The following CUL2 variants were observed in gnomAD, a reference collection of about 807,000 sequenced individuals.
CUL2 encodes the protein cullin 2.
In CUL2, 22 loss-of-function variants were observed where a neutral mutation model predicts 110.2. That is an observed-to-expected ratio of 0.20 (90% CI 0.14 to 0.28). The LOEUF is 0.28. Ranked by LOEUF, CUL2 falls within the 10% of genes least tolerant of loss-of-function variation. The probability of loss-of-function intolerance (pLI) is 1.00; values close to 1 mark genes in which losing one functional copy is unlikely to be tolerated. For synonymous variants in CUL2, 279 were observed against 293.2 expected (o/e 0.95, Z 0.49); for missense variants, 631 against 905.5 (o/e 0.70, Z 3.89).
intron 6 of CUL2, among the ~76,000 whole-genome samples, chr10:35,045,718 A>G (rs2085922040): frequency 6.6e-6 from 1 of 152,086 alleles, no homozygotes; most frequent in African/African-American, 2.4e-5. Flanking sequence ...CCCTGTCTCA[A>G]AAATTAAAAA....
intron 1 of CUL2, among the ~76,000 whole-genome samples, chr10:35,087,601 C>T (rs1589052470): frequency 6.6e-6 from 1 of 152,178 alleles, no homozygotes; most frequent in South Asian, 2.1e-4. Flanking sequence ...CTTCCCCCAA[C>T]CTCTTCTTCA....
intron 5 of CUL2, among the ~76,000 whole-genome samples, chr10:35,050,285 C>T (rs2086068268): frequency 6.7e-6 from 1 of 149,990 alleles, no homozygotes; most frequent in East Asian, 2.0e-4. Context: ...CGTGCCACTG[C>T]ACTCCAGCCT....
chr10:35,026,725 T>C (rs539244307), intron 16 of CUL2, among the ~76,000 whole-genome samples: 1 of 152,342 alleles, frequency 6.6e-6, no homozygotes, highest in African/African-American at 2.4e-5. Flanking sequence ...CATATGGCAC[T>C]ACAAAGACCA....
At chr10:35,046,710 G>C (rs994561971) in intron 6 of CUL2, among the ~76,000 whole-genome samples, 5 of 152,100 alleles carry the variant, frequency 3.3e-5, no homozygotes, top group African/African-American at 4.8e-5. Flanking sequence ...TGGCCAACAT[G>C]GTGAAATCCA....
At chr10:35,047,646 G>A (rs940658102) in intron 6 of CUL2, among the ~76,000 whole-genome samples, 4 of 150,884 alleles carry the variant, frequency 2.7e-5, no homozygotes, top group South Asian at 2.1e-4. Flanking sequence ...GGCCGGGTGC[G>A]GTGGCTCACT....
chr10:35,107,098 C>T (rs1448514164), intron 1 of CUL2, among the ~76,000 whole-genome samples: 1 of 152,084 alleles, frequency 6.6e-6, no homozygotes, highest in African/African-American at 2.4e-5. Flanking sequence ...CCTCAGCCTC[C>T]CGAGTAGCTG....
intron 2 of CUL2, chr10:35,097,871 A>T (rs1389464645): frequency 6.6e-6 from 1 of 152,136 alleles, no homozygotes; most frequent in Non-Finnish European, 1.5e-5. Context: ...AGACATGAGA[A>T]TCACTTGAGC....
chr10:35,032,034 C>T (rs781469066), intron 12 of CUL2, among the ~76,000 whole-genome samples: 10 of 152,094 alleles, frequency 6.6e-5, no homozygotes, highest in Non-Finnish European at 1.2e-4. Flanking sequence ...TTTAAAAGAA[C>T]ACCTAGGTGA....
chr10:35,056,543 A>C (rs986027258), intron 4 of CUL2, among the ~76,000 whole-genome samples: 1 of 152,122 alleles, frequency 6.6e-6, no homozygotes, highest in Non-Finnish European at 1.5e-5. Flanking sequence ...GAAACTCAGG[A>C]GAGGTCTTCC....
At chr10:35,080,962 C>T (rs537530782) in intron 1 of CUL2, among the ~76,000 whole-genome samples, 190 of 152,106 alleles carry the variant, frequency 1.2e-3, no homozygotes, top group African/African-American at 4.5e-3. Flanking sequence ...ACCTGTAATC[C>T]TAGTACTTTG....
chr10:35,097,132 T>A (rs549568992), intron 2 of CUL2, among the ~76,000 whole-genome samples: 1 of 152,148 alleles, frequency 6.6e-6, no homozygotes, highest in South Asian at 2.1e-4. Context: ...TCTTCAAAGG[T>A]TTACCTTATC....
intron 16 of CUL2, among the ~76,000 whole-genome samples, chr10:35,027,406 G>A (rs202182539): frequency 6.6e-6 from 1 of 151,920 alleles, no homozygotes; most frequent in African/African-American, 2.4e-5. Context: ...GGCCTCCCAA[G>A]GTGCTGGGAT....
chr10:35,063,629 T>C (rs931756832), intron 2 of CUL2, among the ~76,000 whole-genome samples: 1 of 152,108 alleles, frequency 6.6e-6, no homozygotes. Flanking sequence ...ACTAAGTACC[T>C]TGCTAAGTCT....
intron 2 of CUL2, among the ~76,000 whole-genome samples, chr10:35,070,184 A>T (rs774983355): frequency 6.6e-6 from 1 of 152,220 alleles, no homozygotes; most frequent in Non-Finnish European, 1.5e-5. Context: ...ATCAAACAAC[A>T]TAAAAAATAT....
At chr10:35,026,068 A>C (rs1338588927) in intron 16 of CUL2, among the ~76,000 whole-genome samples, 1 of 152,256 alleles carries the variant, frequency 6.6e-6, no homozygotes, top group Non-Finnish European at 1.5e-5. Context: ...AGCAAAAGTT[A>C]ATAGCTCCAG....
chr10:35,114,579 C>T lies in CUL2; in HGVS notation c.-51+12026G>A, dbSNP rs187364550. Among the ~76,000 whole-genome samples the T allele has an allele frequency of 6.5e-3, 981 of 151,812 alleles. 11 individuals are homozygous for T. The highest frequency in any genetic ancestry group is 0.023 in the African/African-American group (936 of 41,418). ...TGTATTTTTAGTAGAGACAGGGTTT[C>T]GCTATGTTGGCCAGGCTGGTCTCGA... On this transcript the variant is annotated intron_variant, in intron 1 of 5. Transcript: ENST00000685421.
rs1179793661 is a variant in CUL2 at position 35,071,353 on chromosome 10, A to C, written c.-22-14T>G. On this transcript the variant is annotated splice_polypyrimidine_tract_variant and intron_variant, in intron 1 of 20. Coordinates refer to ENST00000374749, the MANE Select transcript of CUL2 (RefSeq NM_003591.4). ...TAGTGTTGAAATCTGTCAATTAAAA[A>C]ACAATAACAATGTTAGCAATAATTC... The C allele has an allele frequency of 6.3e-7, 1 of 1,593,400 alleles. No individual in the cohort carries two copies. Among genetic ancestry groups the C allele is most frequent in the African/African-American group, 1.3e-5 (1 of 74,286 alleles).
chr10:35,074,030 T>C, intron 1 of CUL2: 1 of 734,386 alleles, frequency 1.4e-6, no homozygotes, highest in Non-Finnish European at 2.4e-6. Context: ...TGCTCTAGGC[T>C]GCTGTGTGCA....
chr10:35,013,665 C>T, intron 19 of CUL2, 34 bp downstream of exon 19: 1 of 1,364,560 alleles, frequency 7.3e-7, no homozygotes, highest in South Asian at 1.3e-5. Flanking sequence ...AAATGTTTCC[C>T]CCTCAAAAAA....
Sources: allele counts gnomAD v4.1 joint callset (sites outside exome capture counted in the v4.1 genomes callset), GRCh38; gene constraint gnomAD v4.1.1; transcripts MANE v1.5; gene names NCBI Gene and HGNC (gene_info 2026-07-23, HGNC 2026-07-21).